EXOC2: variants seen among roughly 807,000 people sequenced by gnomAD.
EXOC2 encodes exocyst complex component 2.
EXOC2 carries 70 observed loss-of-function variants against 131.8 expected under a neutral mutation model. The observed-to-expected ratio is 0.53, with a 90% CI of 0.44 to 0.65. The LOEUF is 0.65. EXOC2 is among the 30% of genes least tolerant of loss of function. EXOC2 has a pLI of 0.00. For synonymous variants in EXOC2, 411 were observed against 398.4 expected, an observed-to-expected ratio of 1.03 and a Z score of -0.38; for missense variants, 923 against 1,108.6, an observed-to-expected ratio of 0.83 and a Z score of 2.38.
chr6:659,048 AG>A (rs1489170960), intron 1 of EXOC2, among the ~76,000 whole-genome samples: 1 of 152,192 alleles, frequency 6.6e-6, no homozygotes, highest in African/African-American at 2.4e-5. Context: ...TTCTGTTCTT[AG>A]GGAGTTCACA....
intron 11 of EXOC2, among the ~76,000 whole-genome samples, chr6:582,392 T>C (rs1432880552): frequency 6.6e-6 from 1 of 152,156 alleles, no homozygotes; most frequent in East Asian, 1.9e-4. Flanking sequence ...TCTACAATAG[T>C]GTAGGGAACA....
At chr6:512,041 T>C (rs568543191) in intron 23 of EXOC2, among the ~76,000 whole-genome samples, 1 of 152,346 alleles carries the variant, frequency 6.6e-6, no homozygotes, top group East Asian at 1.9e-4. Flanking sequence ...CCCTCATGGG[T>C]TGGTGTTTGT....
intron 20 of EXOC2, among the ~76,000 whole-genome samples, 189 bp downstream of exon 20, chr6:555,038 G>A (rs144891644): frequency 1.5e-3 from 224 of 152,068 alleles, no homozygotes; most frequent in African/African-American, 5.0e-3. Context: ...CTCTAATAAG[G>A]CAAAGATGAG....
At chr6:680,355 C>A (rs1764347105) in intron 1 of EXOC2, among the ~76,000 whole-genome samples, 1 of 152,100 alleles carries the variant, frequency 6.6e-6, no homozygotes, top group Admixed American at 6.5e-5. Context: ...CAAAAGCTAC[C>A]TTTATACAAA....
At position 592,484 on chromosome 6, in the gene EXOC2, C is replaced by T. The variant is rs767390731; in HGVS notation, c.1177G>A (p.Val393Met). 10 of 1,613,620 alleles carry T rather than the reference C, an allele frequency of 6.2e-6. No homozygotes were observed. The highest frequency in any genetic ancestry group is 1.6e-4 in the Middle Eastern group (1 of 6,084). ...QLMHSCKEGY[V>M]KDLKGNPGLH... is the part of the protein sequence containing the mutation. ...AAATCCTTGCCTTTCAGATCTTTCA[C>T]GTAGCCCTCTTTGCAACTGTGCATG... The change falls in exon 11 of 28, where the codon GTG becomes ATG. Residue 393 changes from valine (V) to methionine (M), a missense_variant. Transcript: ENST00000230449.
rs555759091 is a variant in EXOC2 at position 555,334 on chromosome 6, T to C, written c.1993-46A>G. ...CAGAACTCTCAGAGGAATGAACTCCTAGACATTAATCTATTTGGACACTAA... is the reference window on the plus strand; with the variant it reads ...CAGAACTCTCAGAGGAATGAACTCCCAGACATTAATCTATTTGGACACTAA... On this transcript the variant is annotated intron_variant, in intron 19 of 27. Coordinates refer to ENST00000230449, the MANE Select transcript of EXOC2 (RefSeq NM_018303.6). The C allele has an allele frequency of 2.4e-5, 30 of 1,227,428 alleles. No homozygotes were observed. The African/African-American group carries it at 2.5e-4, about 10-fold the overall frequency. The allele number at this position is 1,227,428 out of a possible 1,614,324, so 76.0% of individuals were successfully genotyped here.
chr6:523,226 C>T lies in EXOC2; in HGVS notation c.2380+9243G>A, dbSNP rs191321438. 9.8e-5 allele frequency among the ~76,000 whole-genome samples: 15 copies of T among 152,290 alleles called. No homozygotes were observed. In the East Asian group the frequency reaches 2.7e-3, roughly 27 times the overall value. On this transcript the variant is annotated intron_variant, in intron 23 of 27. Coordinates refer to ENST00000230449, the MANE Select transcript of EXOC2 (RefSeq NM_018303.6). ...TGTCCAAGTGCTACCAGTTTGGTGTCCTTCAAATGGAGAACATTCAGGGCA... is the reference window on the plus strand; with the variant it reads ...TGTCCAAGTGCTACCAGTTTGGTGTTCTTCAAATGGAGAACATTCAGGGCA...
chr6:549,166 C>A lies in EXOC2; in HGVS notation c.2238+9G>T. The A allele has an allele frequency of 6.2e-7, 1 of 1,608,414 alleles. No individual in the cohort carries two copies. Among genetic ancestry groups the A allele is most frequent in the Non-Finnish European group, 8.5e-7 (1 of 1,174,910 alleles). On this transcript the variant is annotated intron_variant, in intron 22 of 27. Transcript: ENST00000230449. ...CACCGACTTGTGCGTTTTACATGAA[C>A]TCGCTTACCTGTGTGATTTTTTCTA...
intron 23 of EXOC2, among the ~76,000 whole-genome samples, chr6:523,147 G>A (rs1765567211): frequency 6.6e-6 from 1 of 152,220 alleles, no homozygotes; most frequent in South Asian, 2.1e-4. Flanking sequence ...AACCAGAGAT[G>A]GGATGGCGCT....
At chr6:612,207 T>C (rs1256753373) in intron 6 of EXOC2, among the ~76,000 whole-genome samples, 1 of 152,232 alleles carries the variant, frequency 6.6e-6, no homozygotes, top group East Asian at 1.9e-4. Flanking sequence ...GTCAACACTT[T>C]AGGCTTTGTG....
At chr6:570,203 G>A (rs11242994) in intron 13 of EXOC2, among the ~76,000 whole-genome samples, 36,727 of 131,250 alleles carry the variant, frequency 0.28, 4,708 homozygotes, top group Non-Finnish European at 0.29. Flanking sequence ...GCGCGATCTC[G>A]GCTCACTGCA....
chr6:613,147 G>A (rs1760801369), intron 6 of EXOC2, among the ~76,000 whole-genome samples: 1 of 152,104 alleles, frequency 6.6e-6, no homozygotes, highest in Admixed American at 6.5e-5. Context: ...GGAAGGCCAT[G>A]GCAAAATGAA....
chr6:609,398 G>C (rs1328904158), intron 7 of EXOC2, among the ~76,000 whole-genome samples: 6 of 152,194 alleles, frequency 3.9e-5, no homozygotes, highest in Non-Finnish European at 8.8e-5. Context: ...AACTATAGTT[G>C]TGAAAAGATT....
intron 3 of EXOC2, among the ~76,000 whole-genome samples, chr6:630,301 T>C (rs979007758): frequency 6.6e-6 from 1 of 152,244 alleles, no homozygotes; most frequent in Admixed American, 6.5e-5. Context: ...TTGTTAAATG[T>C]AGCTGATTAA....
At chr6:660,934 G>A (rs905614361) in intron 1 of EXOC2, among the ~76,000 whole-genome samples, 1 of 152,068 alleles carries the variant, frequency 6.6e-6, no homozygotes, top group Non-Finnish European at 1.5e-5. Flanking sequence ...AAATATTCAA[G>A]GAAATAGATA....
chr6:670,347 G>C (rs1436467530), intron 1 of EXOC2: 1 of 152,232 alleles, frequency 6.6e-6, no homozygotes. Flanking sequence ...AATTTAGGCA[G>C]AGCCAGGGAC....
chr6:583,816 G>A (rs1236744318), intron 11 of EXOC2, among the ~76,000 whole-genome samples: 1 of 152,176 alleles, frequency 6.6e-6, no homozygotes, highest in Non-Finnish European at 1.5e-5. Context: ...TTCCCTGGAG[G>A]TCCGCCCACT....
At chr6:553,194 A>G (rs1315594549) in intron 21 of EXOC2, among the ~76,000 whole-genome samples, 3 of 152,196 alleles carry the variant, frequency 2.0e-5, no homozygotes, top group African/African-American at 2.4e-5. Flanking sequence ...CTGGGATGAC[A>G]GGCATGACAA....
At chr6:635,088 T>G (rs1227656229) in intron 2 of EXOC2, among the ~76,000 whole-genome samples, 1 of 152,212 alleles carries the variant, frequency 6.6e-6, no homozygotes, top group East Asian at 1.9e-4. Flanking sequence ...CAGATTTTTG[T>G]GATTTTAAAT....
Sources: gnomAD v4.1 joint callset for allele counts (sites outside exome capture counted in the v4.1 genomes callset) on GRCh38, gnomAD v4.1.1 for gene constraint, MANE v1.5 for transcripts, NCBI Gene and HGNC (gene_info 2026-07-23, HGNC 2026-07-21) for gene names.